Variants in FRMD6 observed in about 807,000 individuals in gnomAD.
FRMD6 encodes the protein FERM domain-containing protein 6.
A neutral mutation model predicts 73.2 loss-of-function variants in FRMD6; 37 were observed. The observed-to-expected ratio is 0.51, with a 90% CI of 0.39 to 0.66. The LOEUF is 0.66. FRMD6 is among the 30% of genes least tolerant of loss of function. FRMD6 has a pLI of 0.00. For synonymous variants in FRMD6, 273 were observed against 282.2 expected (o/e 0.97, Z 0.33); for missense variants, 714 against 780.5 (o/e 0.91, Z 1.02).
In FRMD6 at chr14:51,595,653, G is replaced by C. The variant is rs1271535699; in HGVS notation, c.-147+25243G>C. Among the ~76,000 whole-genome samples, 8 of 152,154 alleles carry C rather than the reference G, an allele frequency of 5.3e-5. No homozygotes were observed. In the East Asian group the frequency reaches 1.5e-3, roughly 29 times the overall value. ...CAAGGGGAAGCCCTTCTGTTTCATG[G>C]AAAAGCCAATTAATGAGGATGAATT... On this transcript the variant is annotated intron_variant, in intron 2 of 14. Coordinates refer to the FRMD6 transcript ENST00000356218.
At chr14:51,492,650 AAG>A (rs1422906787) in intron 1 of FRMD6, among the ~76,000 whole-genome samples, 3 of 152,244 alleles carry the variant, frequency 2.0e-5, no homozygotes, top group Non-Finnish European at 4.4e-5. Flanking sequence ...TTTTTAAAAA[AAG>A]AGAATAAAAG....
intron 1 of FRMD6, among the ~76,000 whole-genome samples, chr14:51,660,613 G>GAAAAAAA (rs10605746): frequency 7.2e-6 from 1 of 139,568 alleles, no homozygotes; most frequent in Non-Finnish European, 1.5e-5. Flanking sequence ...TAAAATAAAG[G>GAAAAAAA]AAAAAAAAAA....
At chr14:51,445,488 T>TTTGCAA in the FRMD6 span, among the ~76,000 whole-genome samples, 4 of 14,014 alleles carry the variant, frequency 2.9e-4, no homozygotes, top group South Asian at 9.7e-3. Flanking sequence ...TTTTTTTTTT[T>TTTGCAA]ACAAACAAAT....
chr14:51,647,987 G>C (rs1175951609), upstream of FRMD6, among the ~76,000 whole-genome samples: 1 of 152,054 alleles, frequency 6.6e-6, no homozygotes, highest in Non-Finnish European at 1.5e-5. Context: ...CACCATGCCT[G>C]GCTAACTTTG....
chr14:51,557,126 G>A (rs147385778), intron 1 of FRMD6, among the ~76,000 whole-genome samples: 309 of 151,468 alleles, frequency 2.0e-3, no homozygotes, highest in Middle Eastern at 0.01. Flanking sequence ...TCTGAAAAGA[G>A]GAAAAGAAGA....
chr14:51,609,202 C>T lies in FRMD6; in HGVS notation c.-147+38792C>T, dbSNP rs1325884296. On this transcript the variant is annotated intron_variant, in intron 2 of 14. Transcript: ENST00000356218. ...CCTAGTTATGAATATCCCAGTCTCT[C>T]GGGGTCAGGTTCTCTGTAAGATCCA... Among the ~76,000 whole-genome samples the T allele has an allele frequency of 4.6e-5, 7 of 152,034 alleles. No individual in the cohort carries two copies. In the South Asian group the frequency reaches 6.2e-4, roughly 14 times the overall value.
the FRMD6 span, among the ~76,000 whole-genome samples, chr14:51,445,120 A>G: frequency 2.6e-5 from 4 of 152,192 alleles, no homozygotes; most frequent in Non-Finnish European, 1.5e-5. Context: ...ATCTTGGCAT[A>G]GATTTGCTCC....
chr14:51,531,148 C>T (rs548687595), intron 1 of FRMD6, among the ~76,000 whole-genome samples: 5 of 152,256 alleles, frequency 3.3e-5, no homozygotes, highest in African/African-American at 1.2e-4. Context: ...GGCCCTACCT[C>T]CCAACACTGT....
Position 51,698,226 on chromosome 14 carries a change from A to G in FRMD6, c.184A>G (p.Ile62Val), listed in dbSNP as rs1200273889. The G allele has an allele frequency of 1.9e-6, 3 of 1,609,774 alleles. No individual in the cohort carries two copies. Among genetic ancestry groups the G allele is most frequent in the Admixed American group, 1.7e-5 (1 of 59,638 alleles). Residue 62 changes from isoleucine (I) to valine (V), a missense_variant, in exon 3 of 14, where the codon ATA becomes GTA. By Grantham distance (29) the Ile-to-Val change is conservative (BLOSUM62 3). Transcript: ENST00000344768. ...KDCHLFGLSV[I>V]QNNEHVYMEL... ...CTGCCACCTCTTTGGACTCAGTGTTATACAAAGTAAGTCTTAGAGCCCTCT... is the reference window on the plus strand; with the variant it reads ...CTGCCACCTCTTTGGACTCAGTGTTGTACAAAGTAAGTCTTAGAGCCCTCT...
At chr14:51,724,369 C>CATA (rs1347004156) in intron 12 of FRMD6, among the ~76,000 whole-genome samples, 1 of 152,186 alleles carries the variant, frequency 6.6e-6, no homozygotes. Flanking sequence ...ATACTCTTTA[C>CATA]AGGCATGATA....
the FRMD6 span, among the ~76,000 whole-genome samples, chr14:51,442,376 C>T: frequency 6.6e-6 from 1 of 152,096 alleles, no homozygotes; most frequent in Non-Finnish European, 1.5e-5. Flanking sequence ...TGTACTCCCA[C>T]CCCTCTTTTT....
intron 2 of FRMD6, among the ~76,000 whole-genome samples, chr14:51,635,435 T>C (rs1223907191): frequency 6.6e-6 from 1 of 152,218 alleles, no homozygotes; most frequent in Non-Finnish European, 1.5e-5. Flanking sequence ...TGTGTGCTTT[T>C]CAGGGACCCA....
chr14:51,517,905 T>A (rs149428460), intron 1 of FRMD6, among the ~76,000 whole-genome samples: 2,151 of 152,268 alleles, frequency 0.014, 39 homozygotes, highest in Middle Eastern at 0.078. Context: ...CCCAAGTGAC[T>A]GTCTACAGCT....
At chr14:51,458,536 A>G in the FRMD6 span, among the ~76,000 whole-genome samples, 1 of 152,210 alleles carries the variant, frequency 6.6e-6, no homozygotes, top group Non-Finnish European at 1.5e-5. Context: ...AATTCAGTGA[A>G]TTCCTCAATA....
intron 2 of FRMD6, among the ~76,000 whole-genome samples, chr14:51,596,616 T>C (rs1266433418): frequency 6.6e-6 from 1 of 152,200 alleles, no homozygotes; most frequent in African/African-American, 2.4e-5. Flanking sequence ...TTTTGCATCC[T>C]GAGGGTGGTG....
chr14:51,663,464 T>C (rs938852842), intron 1 of FRMD6, among the ~76,000 whole-genome samples: 1 of 152,186 alleles, frequency 6.6e-6, no homozygotes, highest in South Asian at 2.1e-4. Flanking sequence ...TCCTTTGAGG[T>C]AACATGGATG....
intron 1 of FRMD6, among the ~76,000 whole-genome samples, chr14:51,496,980 C>G (rs1883331063): frequency 1.3e-5 from 2 of 152,140 alleles, no homozygotes; most frequent in South Asian, 4.1e-4. Flanking sequence ...TTCATTTCCT[C>G]TAAATTATAC....
chr14:51,521,835 T>C lies in FRMD6; in HGVS notation c.-210+32415T>C, dbSNP rs140605892. On this transcript the variant is annotated intron_variant, in intron 1 of 14. Transcript: ENST00000356218. ...TCCCTAAAATTTTGTTTCTCTTCTT[T>C]AACTGACCAAGATAAATTTGTGATG... Among the ~76,000 whole-genome samples, 35 of 152,318 alleles carry C rather than the reference T, an allele frequency of 2.3e-4. No homozygotes were observed. The East Asian group carries it at 6.7e-3, about 29-fold the overall frequency.
the FRMD6 span, among the ~76,000 whole-genome samples, chr14:51,476,873 A>G: frequency 6.6e-6 from 1 of 152,252 alleles, no homozygotes; most frequent in East Asian, 1.9e-4. Flanking sequence ...TACCAAAACT[A>G]TAATAGCAGA....
Sources: gnomAD v4.1 joint callset for allele counts (sites outside exome capture counted in the v4.1 genomes callset) on GRCh38, gnomAD v4.1.1 for gene constraint, MANE v1.5 for transcripts, NCBI Gene and HGNC (gene_info 2026-07-23, HGNC 2026-07-21) for gene names.